SIK3: variants seen among roughly 807,000 people sequenced by gnomAD.
The protein encoded by SIK3 is serine/threonine-protein kinase SIK3.
A neutral mutation model predicts 144.2 loss-of-function variants in SIK3; 28 were observed. The observed-to-expected ratio is 0.19, with a 90% CI of 0.14 to 0.27. The LOEUF (loss-of-function observed/expected upper bound fraction) is 0.27. Among genes scored for constraint, SIK3 ranks in the 10% least tolerant of loss-of-function variants. SIK3 has a pLI of 1.00. For synonymous variants in SIK3, 686 were observed against 676.3 expected, an observed-to-expected ratio of 1.01 and a Z score of -0.22; for missense variants, 1,319 against 1,776.0, an observed-to-expected ratio of 0.74 and a Z score of 4.62.
intron 1 of SIK3, among the ~76,000 whole-genome samples, chr11:116,998,403 G>A (rs576780656): frequency 2.7e-5 from 4 of 150,848 alleles, no homozygotes; most frequent in South Asian, 2.1e-4. Flanking sequence ...CCCTGGAGGC[G>A]AAGGCTGCAG....
intron 2 of SIK3, among the ~76,000 whole-genome samples, chr11:116,955,657 T>G (rs1041854113): frequency 6.6e-6 from 1 of 152,058 alleles, no homozygotes; most frequent in African/African-American, 2.4e-5. Context: ...GTCAAGAAAT[T>G]TATTCAGCCC....
intron 4 of SIK3, among the ~76,000 whole-genome samples, chr11:116,903,780 CT>C (rs1350789324): frequency 6.6e-6 from 1 of 152,044 alleles, no homozygotes; most frequent in Non-Finnish European, 1.5e-5. Flanking sequence ...TGATGGGGGT[CT>C]TGCTATGTTG....
At chr11:116,866,657 G>C (rs868854850) in intron 15 of SIK3, among the ~76,000 whole-genome samples, 26 of 152,250 alleles carry the variant, frequency 1.7e-4, no homozygotes, top group Middle Eastern at 6.8e-3. Flanking sequence ...GGCCAGGCTG[G>C]TCTCGAACTC....
At chr11:116,935,664 T>C (rs1947877462) in intron 3 of SIK3, among the ~76,000 whole-genome samples, 1 of 152,222 alleles carries the variant, frequency 6.6e-6, no homozygotes, top group Non-Finnish European at 1.5e-5. Flanking sequence ...TTAGCAATAC[T>C]TGGTTTGCTA....
At chr11:116,934,055 T>C (rs967291373) in intron 3 of SIK3, among the ~76,000 whole-genome samples, 2 of 152,240 alleles carry the variant, frequency 1.3e-5, no homozygotes, top group African/African-American at 4.8e-5. Context: ...ATCTCTATTG[T>C]CAGCTTACCT....
chr11:116,856,159 T>C (rs1942903963), intron 21 of SIK3, among the ~76,000 whole-genome samples: 1 of 145,666 alleles, frequency 6.9e-6, no homozygotes, highest in Non-Finnish European at 1.5e-5. Flanking sequence ...ATCGCACCAC[T>C]GCACTCCAGC....
intron 3 of SIK3, among the ~76,000 whole-genome samples, chr11:116,953,793 G>A (rs1949041012): frequency 6.6e-6 from 1 of 152,154 alleles, no homozygotes; most frequent in Non-Finnish European, 1.5e-5. Context: ...CTTGTTTTTG[G>A]AGATCTTTAA....
chr11:116,850,280 A>G (rs1222576488), intron 21 of SIK3, among the ~76,000 whole-genome samples: 1 of 152,220 alleles, frequency 6.6e-6, no homozygotes, highest in African/African-American at 2.4e-5. Flanking sequence ...GCCCTGGGCT[A>G]TCTTCCAATC....
intron 1 of SIK3, among the ~76,000 whole-genome samples, chr11:117,011,167 A>G (rs904767131): frequency 2.6e-5 from 4 of 152,162 alleles, no homozygotes; most frequent in Non-Finnish European, 5.9e-5. Flanking sequence ...AGGAAATTAT[A>G]AATTTTAAAA....
intron 1 of SIK3, among the ~76,000 whole-genome samples, chr11:116,983,658 G>T (rs1348465081): frequency 6.6e-6 from 1 of 152,126 alleles, no homozygotes; most frequent in Admixed American, 6.5e-5. Context: ...GCAAATCCGA[G>T]GGAATTTAAA....
Position 116,867,877 on chromosome 11 carries a change from T to C in SIK3, c.1952+69A>G. 1 of 1,417,926 alleles carries C rather than the reference T, an allele frequency of 7.1e-7. No individual in the cohort carries two copies. Among genetic ancestry groups the C allele is most frequent in the South Asian group, 1.5e-5 (1 of 66,916 alleles). 87.8% of individuals were successfully genotyped at this position (1,417,926 alleles called of 1,614,324 possible). A position where few individuals can be genotyped will look rare whatever the true frequency, so the allele number is the denominator to read the frequency against. On this transcript the variant is annotated intron_variant, in intron 15 of 24. Transcript: ENST00000445177. The surrounding 1 kb of genome is among the most constrained non-coding windows in gnomAD (Gnocchi z 4.1). The stretch of plus-strand genomic sequence containing the variant: ...GCCACGATGCTAGTCACCGTCGCTG[T>C]GAGACTAATCAGAAGGGTGCCTGTC...
chr11:116,985,477 G>A (rs1289352116), intron 1 of SIK3, among the ~76,000 whole-genome samples: 1 of 152,176 alleles, frequency 6.6e-6, no homozygotes. Context: ...GTTTGCGCTT[G>A]TAAATTAGCA....
chr11:116,930,713 T>C (rs747040322), intron 3 of SIK3, among the ~76,000 whole-genome samples: 2 of 152,102 alleles, frequency 1.3e-5, no homozygotes, highest in Non-Finnish European at 2.9e-5. Flanking sequence ...ATACTACCCA[T>C]ATCCTCATCC....
intron 1 of SIK3, among the ~76,000 whole-genome samples, chr11:117,057,518 CG>C (rs1271527915): frequency 6.6e-6 from 1 of 152,172 alleles, no homozygotes; most frequent in Non-Finnish European, 1.5e-5. Flanking sequence ...AACAAGTACT[CG>C]GTCACAGACT....
At position 116,896,235 on chromosome 11, in the gene SIK3, T is replaced by C; in HGVS notation, c.865+18A>G. ...TTTCATGAACCCATTCATAGCTGTGTGCTAGCGACTCCCTTACCTGTGGAC... is the reference window on the plus strand; with the variant it reads ...TTTCATGAACCCATTCATAGCTGTGCGCTAGCGACTCCCTTACCTGTGGAC... On this transcript the variant is annotated intron_variant, in intron 6 of 24. Transcript: ENST00000445177. 6.2e-7 allele frequency: 1 copy of C among 1,612,832 alleles called. No homozygotes were observed. Among genetic ancestry groups the C allele is most frequent in the Non-Finnish European group, 8.5e-7 (1 of 1,179,176 alleles).
intron 1 of SIK3, among the ~76,000 whole-genome samples, chr11:117,048,428 G>A (rs1277657615): frequency 1.3e-5 from 2 of 151,586 alleles, no homozygotes; most frequent in African/African-American, 4.8e-5. Context: ...AAGCCGAGGT[G>A]GGCCGATCAC....
chr11:116,889,302 G>A (rs1323557500), intron 6 of SIK3, among the ~76,000 whole-genome samples: 1 of 152,198 alleles, frequency 6.6e-6, no homozygotes, highest in East Asian at 1.9e-4. Flanking sequence ...GCTGGCTTCT[G>A]CCCATAATCC....
At chr11:116,872,655 G>A (rs941506998) in intron 13 of SIK3, among the ~76,000 whole-genome samples, 8 of 152,082 alleles carry the variant, frequency 5.3e-5, no homozygotes, top group African/African-American at 1.4e-4. Context: ...ATTTAACAGA[G>A]TAATTTTGTC....
intron 1 of SIK3, among the ~76,000 whole-genome samples, chr11:116,959,555 C>G (rs1205729752): frequency 1.3e-5 from 2 of 152,170 alleles, no homozygotes; most frequent in African/African-American, 2.4e-5. Flanking sequence ...TGGGGAAAAG[C>G]GGGTGACCTT....
Sources: allele counts gnomAD v4.1 joint callset (sites outside exome capture counted in the v4.1 genomes callset), GRCh38; gene constraint gnomAD v4.1.1; non-coding constraint Gnocchi (gnomAD v3.1); transcripts MANE v1.5; gene names NCBI Gene and HGNC (gene_info 2026-07-23, HGNC 2026-07-21).